The following VWA5A variants were observed in gnomAD, a reference collection of about 807,000 sequenced individuals.
VWA5A encodes the protein von Willebrand factor A domain-containing protein 5A.
A neutral mutation model predicts 84.6 loss-of-function variants in VWA5A; 77 were observed. The observed-to-expected ratio is 0.91, with a 90% CI of 0.76 to 1.10. VWA5A has a LOEUF of 1.10. VWA5A is among the 50% of genes least tolerant of loss of function. The pLI, the probability that VWA5A is intolerant of heterozygous loss-of-function variation, is 0.00. For synonymous variants in VWA5A, 334 were observed against 350.1 expected, an observed-to-expected ratio of 0.95 and a Z score of 0.51; for missense variants, 973 against 963.0, an observed-to-expected ratio of 1.01 and a Z score of -0.14.
intron 11 of VWA5A, among the ~76,000 whole-genome samples, chr11:124,130,707 G>T (rs980923418): frequency 3.3e-5 from 5 of 152,078 alleles, no homozygotes; most frequent in Admixed American, 6.6e-5. Flanking sequence ...TCTTCTTGTT[G>T]CATTAATCCC....
chr11:124,146,210 A>T lies in VWA5A; in HGVS notation c.*265A>T, dbSNP rs3741107. The T allele has an allele frequency of 0.11, 34,368 of 320,396 alleles. 2,069 individuals are homozygous for T. Among genetic ancestry groups the T allele is most frequent in the African/African-American group, 0.16 (7,142 of 45,624 alleles). 19.8% of individuals were successfully genotyped at this position (320,396 alleles called of 1,614,324 possible). A position where few individuals can be genotyped will look rare whatever the true frequency, so the allele number is the denominator to read the frequency against. ...GGAGTTCAAAACATTCATAGGCAGT[A>T]ATGTTCCTCCCAGGGTTTCCAGGGA... On this transcript the variant is annotated 3_prime_UTR_variant, in exon 19 of 19. Transcript: ENST00000456829.
chr11:124,124,377 G>A, intron 11 of VWA5A, 61 bp downstream of exon 11: 1 of 1,576,050 alleles, frequency 6.3e-7, no homozygotes, highest in Non-Finnish European at 8.6e-7. Flanking sequence ...AGACTCTAGT[G>A]CTACATGATG....
intron 7 of VWA5A, 110 bp from the exon 8 acceptor site, chr11:124,122,850 T>G: frequency 9.0e-7 from 1 of 1,107,168 alleles, no homozygotes; most frequent in Non-Finnish European, 1.3e-6. Context: ...TCACAGTGTT[T>G]TAGATTTGAG....
chr11:124,119,510 A>G (rs898299295), intron 7 of VWA5A, among the ~76,000 whole-genome samples: 6 of 152,206 alleles, frequency 3.9e-5, no homozygotes, highest in African/African-American at 7.2e-5. Flanking sequence ...TAACCTTTCG[A>G]GGATAAATTT....
chr11:124,136,513 C>A (rs1387589405), intron 13 of VWA5A, 61 bp from the exon 14 acceptor site: 3 of 1,555,508 alleles, frequency 1.9e-6, no homozygotes, highest in African/African-American at 2.7e-5. Flanking sequence ...CTGTTCTGAT[C>A]CTTCCATGGA....
chr11:124,120,010 T>A (rs10790635), intron 7 of VWA5A, among the ~76,000 whole-genome samples: 10,255 of 152,206 alleles, frequency 0.067, 365 homozygotes, highest in South Asian at 0.093. Context: ...TTTTTTCTCT[T>A]TTCGAGATAT....
chr11:124,118,307 A>T lies in VWA5A; in HGVS notation c.365A>T (p.Lys122Met), dbSNP rs200860552. The change falls in exon 5 of 19, where the codon AAG becomes ATG. Residue 122 changes from lysine (K) to methionine (M), a missense_variant. Physicochemically the swap from Lys to Met is moderately conservative, Grantham distance 95 (BLOSUM62 -1). Transcript: ENST00000456829. Reference protein sequence around the residue: ...CNVGNLQPGSKAAVTLKYVQE... With the variant: ...CNVGNLQPGSMAAVTLKYVQE... ...GTGGGTAACCTCCAACCTGGGTCGA[A>T]GGCGGCAGTCACCCTGAAGTATGTG... 6.2e-7 allele frequency: 1 copy of T among 1,614,190 alleles called. No individual in the cohort carries two copies. The highest frequency in any genetic ancestry group is 2.2e-5 in the East Asian group (1 of 44,874).
chr11:124,135,011 G>A lies in VWA5A; in HGVS notation c.1336G>A (p.Gly446Ser), dbSNP rs199676038. 2.2e-4 allele frequency: 350 copies of A among 1,613,392 alleles called. No individual in the cohort carries two copies. The highest frequency in any genetic ancestry group is 2.7e-4 in the Non-Finnish European group (321 of 1,179,756). ...ASGGTSEFIT[G>S]KDRMQSKALR... ...AGGGGGCACCTCAGAATTTATCACAGGCAAAGACAGGATGCAGTCCAAGGT... is the reference window on the plus strand; with the variant it reads ...AGGGGGCACCTCAGAATTTATCACAAGCAAAGACAGGATGCAGTCCAAGGT... Residue 446 changes from glycine (G) to serine (S), a missense_variant, in exon 12 of 19, where the codon GGC (glycine) becomes AGC (serine). Gly to Ser is a moderately conservative substitution (Grantham distance 56). Transcript: ENST00000456829.
intron 11 of VWA5A, among the ~76,000 whole-genome samples, chr11:124,127,644 G>T (rs193065026): frequency 4.6e-5 from 7 of 152,200 alleles, no homozygotes; most frequent in South Asian, 4.2e-4. Flanking sequence ...AGTGTAAAAG[G>T]TTTCCTATTT....
At chr11:124,132,749 T>C (rs960080738) in intron 11 of VWA5A, among the ~76,000 whole-genome samples, 2 of 152,164 alleles carry the variant, frequency 1.3e-5, no homozygotes, top group African/African-American at 4.8e-5. Flanking sequence ...TCTATTTCAT[T>C]AATATCTGCT....
At chr11:124,120,712 T>C (rs939318376) in intron 7 of VWA5A, among the ~76,000 whole-genome samples, 6 of 152,208 alleles carry the variant, frequency 3.9e-5, no homozygotes, top group Non-Finnish European at 8.8e-5. Context: ...CTTTGTACGT[T>C]AGTTATCTGC....
chr11:124,133,212 G>A (rs1447095350), intron 11 of VWA5A, among the ~76,000 whole-genome samples: 5 of 152,136 alleles, frequency 3.3e-5, no homozygotes, highest in Non-Finnish European at 7.3e-5. Flanking sequence ...AACTTCAGTC[G>A]CGGTGATGGC....
rs747088406 is a variant in VWA5A at position 124,141,684 on chromosome 11, C to T, written c.1966C>T (p.Gln656Ter). The change falls in exon 16 of 19, where the codon CAG (glutamine) becomes TAG (stop). Residue 656 changes from glutamine (Q) to a stop codon, truncating the protein, a stop_gained. Transcript: ENST00000456829. LOFTEE classifies it high-confidence loss of function. ...ELMCYKAKTF[Q>*]MDDYSLCGLI... ...TATGTGTTATAAGGCCAAGACATTC[C>T]AGATGGACGATTACAGTCTCTGTGG... The T allele has an allele frequency of 4.3e-6, 7 of 1,614,124 alleles. No individual in the cohort carries two copies. The highest frequency in any genetic ancestry group is 5.1e-6 in the Non-Finnish European group (6 of 1,180,032).
At chr11:124,124,617 A>G (rs931810386) in intron 11 of VWA5A, 2 of 1,042,908 alleles carry the variant, frequency 1.9e-6, no homozygotes, top group Non-Finnish European at 2.4e-6. Context: ...ACATGCTGAA[A>G]ACTACACAAA....
intron 12 of VWA5A, among the ~76,000 whole-genome samples, chr11:124,135,293 C>T (rs906966015): frequency 7.2e-5 from 11 of 152,256 alleles, no homozygotes; most frequent in African/African-American, 2.6e-4. Flanking sequence ...GGGATCTGGG[C>T]CTTTGCATTT....
At chr11:124,141,546 C>A (rs1860727555) in intron 15 of VWA5A, 52 bp from the exon 16 acceptor site, 13 of 1,600,792 alleles carry the variant, frequency 8.1e-6, no homozygotes, top group Non-Finnish European at 1.1e-5. Context: ...CAGTCCTTTG[C>A]CCACTGCAGA....
In VWA5A at chr11:124,142,557, T is replaced by C. The variant is rs368707081; in HGVS notation, c.2139T>C (p.Ala713=). ...ILGMSLEEIM[A]AQPAELVDSS... Reference sequence around the variant, plus strand: ...GTATGAGTTTGGAAGAAATAATGGCTGCACAGCCTGCCGAGGTAAGATTCA... The same window carrying C: ...GTATGAGTTTGGAAGAAATAATGGCCGCACAGCCTGCCGAGGTAAGATTCA... The change falls in exon 17 of 19, where the codon GCT becomes GCC. Residue 713 remains alanine, a synonymous_variant. Coordinates refer to ENST00000456829, the MANE Select transcript of VWA5A (RefSeq NM_001130142.2). 4 of 1,614,074 alleles carry C rather than the reference T, an allele frequency of 2.5e-6. No homozygotes were observed. Among genetic ancestry groups the C allele is most frequent in the African/African-American group, 1.3e-5 (1 of 74,944 alleles).
intron 7 of VWA5A, 46 bp downstream of exon 7, chr11:124,119,135 C>T (rs1250428017): frequency 6.5e-7 from 1 of 1,531,052 alleles, no homozygotes; most frequent in Admixed American, 1.8e-5. Flanking sequence ...GGGCAACTCC[C>T]TGTCTTGGAA....
Position 124,123,733 on chromosome 11 carries a change from G to C in VWA5A, c.1093G>C (p.Gly365Arg). Residue 365 changes from glycine (G) to arginine (R), a missense_variant, in exon 10 of 19, where the codon GGG (glycine) becomes CGG (arginine). Gly to Arg is a moderately radical substitution (Grantham distance 125). Transcript: ENST00000456829. Reference sequence around the variant, plus strand: ...AGTGAAGCTTATGCAGGCCGACCTAGGGGGCACTGAAATCTTGGCACCACT... The same window carrying C: ...AGTGAAGCTTATGCAGGCCGACCTACGGGGCACTGAAATCTTGGCACCACT... Reference protein sequence around the residue: ...GRVKLMQADLGGTEILAPLQN... With the variant: ...GRVKLMQADLRGTEILAPLQN... 1 of 1,611,610 alleles carries C rather than the reference G, an allele frequency of 6.2e-7. No homozygotes were observed. Among genetic ancestry groups the C allele is most frequent in the South Asian group, 1.1e-5 (1 of 90,644 alleles).
Sources: gnomAD v4.1 joint callset for allele counts (sites outside exome capture counted in the v4.1 genomes callset) on GRCh38, gnomAD v4.1.1 for gene constraint, MANE v1.5 for transcripts, NCBI Gene and HGNC (gene_info 2026-07-23, HGNC 2026-07-21) for gene names.